Variants in ZFPM2 observed in about 807,000 individuals in gnomAD.
The protein encoded by ZFPM2 is zinc finger protein, FOG family member 2, also known as zinc finger protein ZFPM2.
ZFPM2 carries 20 observed loss-of-function variants against 98.6 expected under a neutral mutation model. The ratio of observed to expected loss-of-function variants is 0.20; its 90% CI spans 0.14 to 0.29. ZFPM2 has a LOEUF of 0.29. Ranked by LOEUF, ZFPM2 falls within the 10% of genes least tolerant of loss-of-function variation. The pLI is 1.00. For synonymous variants in ZFPM2, 518 were observed against 502.7 expected, an observed-to-expected ratio of 1.03 and a Z score of -0.41; for missense variants, 1,310 against 1,388.6, an observed-to-expected ratio of 0.94 and a Z score of 0.90.
chr8:105,518,803 T>G (rs1263767036), intron 3 of ZFPM2, among the ~76,000 whole-genome samples: 1 of 152,238 alleles, frequency 6.6e-6, no homozygotes, highest in East Asian at 1.9e-4. Context: ...AAGGACCTGC[T>G]AGGTTATTTT....
intron 3 of ZFPM2, among the ~76,000 whole-genome samples, chr8:105,545,151 T>C (rs1214129470): frequency 1.3e-5 from 2 of 152,156 alleles, no homozygotes; most frequent in Admixed American, 6.6e-5. Context: ...TTGATTTTGA[T>C]AGAGATATTT....
At chr8:105,395,950 G>A (rs1377037046) in intron 1 of ZFPM2, among the ~76,000 whole-genome samples, 1 of 152,172 alleles carries the variant, frequency 6.6e-6, no homozygotes, top group African/African-American at 2.4e-5. Context: ...CGACTTCTGA[G>A]ACTAATGATT....
At chr8:105,406,796 G>A (rs189813430) in intron 1 of ZFPM2, among the ~76,000 whole-genome samples, 64 of 152,100 alleles carry the variant, frequency 4.2e-4, no homozygotes, top group African/African-American at 1.5e-3. Flanking sequence ...TAAAGTTAAT[G>A]TACATAGGGG....
chr8:105,674,898 C>T (rs1810406694), intron 5 of ZFPM2, among the ~76,000 whole-genome samples: 1 of 152,060 alleles, frequency 6.6e-6, no homozygotes, highest in African/African-American at 2.4e-5. Flanking sequence ...ACCCATAGAT[C>T]TAGGCACCAG....
At chr8:105,426,925 C>T (rs1811925404) in intron 2 of ZFPM2, among the ~76,000 whole-genome samples, 1 of 152,126 alleles carries the variant, frequency 6.6e-6, no homozygotes, top group Admixed American at 6.5e-5. Context: ...CCACTGCACT[C>T]CAGCCTGGGT....
chr8:105,350,392 G>C (rs1812618263), intron 1 of ZFPM2, among the ~76,000 whole-genome samples: 1 of 152,096 alleles, frequency 6.6e-6, no homozygotes, highest in African/African-American at 2.4e-5. Flanking sequence ...GGTTAAATAA[G>C]AGACAGAAAA....
chr8:105,509,607 G>A (rs1315260658), intron 3 of ZFPM2, among the ~76,000 whole-genome samples: 1 of 152,090 alleles, frequency 6.6e-6, no homozygotes, highest in Non-Finnish European at 1.5e-5. Context: ...CAGTAATAAT[G>A]TTACATCTTA....
At chr8:105,396,166 T>C (rs1187866108) in intron 1 of ZFPM2, among the ~76,000 whole-genome samples, 2 of 152,170 alleles carry the variant, frequency 1.3e-5, no homozygotes, top group African/African-American at 4.8e-5. Context: ...AGCTTGTCCA[T>C]GATAGGAAAC....
At chr8:105,571,297 G>T (rs1270188447) in intron 4 of ZFPM2, among the ~76,000 whole-genome samples, 1 of 152,228 alleles carries the variant, frequency 6.6e-6, no homozygotes, top group Non-Finnish European at 1.5e-5. Context: ...TAAGGTGGAA[G>T]TGGGTGGATA....
At chr8:105,721,183 T>C (rs897828820) in intron 5 of ZFPM2, among the ~76,000 whole-genome samples, 1 of 151,774 alleles carries the variant, frequency 6.6e-6, no homozygotes, top group African/African-American at 2.4e-5. Flanking sequence ...AGATGGGAAA[T>C]GTCAGCCCTA....
intron 5 of ZFPM2, among the ~76,000 whole-genome samples, chr8:105,660,637 A>G (rs1322983537): frequency 1.3e-5 from 2 of 152,206 alleles, no homozygotes; most frequent in Admixed American, 1.3e-4. Flanking sequence ...ATATATGTAC[A>G]GACAAACATG....
At position 105,801,358 on chromosome 8, in the gene ZFPM2, G is replaced by A. The variant is rs35843564; in HGVS notation, c.1276G>A (p.Ala426Thr). The change falls in exon 8 of 8, where the codon GCC (alanine) becomes ACC (threonine). Residue 426 changes from alanine (A) to threonine (T), a missense_variant. Ala to Thr is a moderately conservative substitution (Grantham distance 58). Coordinates refer to ENST00000407775, the MANE Select transcript of ZFPM2 (RefSeq NM_012082.4). ...AAGCGAACTTCCCCAGAGCCAAAAGGCCATGCAGACTAAAGATGCGAGCTC... is the reference window on the plus strand; with the variant it reads ...AAGCGAACTTCCCCAGAGCCAAAAGACCATGCAGACTAAAGATGCGAGCTC... ...TRSELPQSQK[A>T]MQTKDASSDT... is the part of the protein sequence containing the mutation. 1,119 of 1,613,880 alleles carry A rather than the reference G, an allele frequency of 6.9e-4. 3 individuals are homozygous for A. The African/African-American group carries it at 9.4e-3, about 14-fold the overall frequency.
At chr8:105,487,768 G>A (rs559841397) in intron 3 of ZFPM2, among the ~76,000 whole-genome samples, 114 of 151,958 alleles carry the variant, frequency 7.5e-4, no homozygotes, top group African/African-American at 2.4e-3. Flanking sequence ...CATCATCATC[G>A]TCATCATTAT....
chr8:105,380,802 G>A (rs1204606054), intron 1 of ZFPM2, among the ~76,000 whole-genome samples: 2 of 17,792 alleles, frequency 1.1e-4, no homozygotes, highest in Admixed American at 1.0e-3. Flanking sequence ...TATTATATAT[G>A]TTATATATAA....
At chr8:105,496,267 C>T (rs1398762602) in intron 3 of ZFPM2, among the ~76,000 whole-genome samples, 1 of 152,112 alleles carries the variant, frequency 6.6e-6, no homozygotes, top group Non-Finnish European at 1.5e-5. Flanking sequence ...GTGCCTTGGC[C>T]TCCCAAAGTG....
chr8:105,384,680 A>G (rs563193302), intron 1 of ZFPM2, among the ~76,000 whole-genome samples: 5 of 152,120 alleles, frequency 3.3e-5, no homozygotes, highest in Non-Finnish European at 7.4e-5. Context: ...ACAAGAAGAA[A>G]GAGGAAATTC....
At chr8:105,386,935 TAC>T (rs1351498578) in intron 1 of ZFPM2, among the ~76,000 whole-genome samples, 1 of 152,176 alleles carries the variant, frequency 6.6e-6, no homozygotes, top group Non-Finnish European at 1.5e-5. Context: ...AGTAGGTAGA[TAC>T]AGAGTGTTGA....
chr8:105,385,253 T>A (rs1346847987), intron 1 of ZFPM2, among the ~76,000 whole-genome samples: 1 of 152,244 alleles, frequency 6.6e-6, no homozygotes, highest in African/African-American at 2.4e-5. Flanking sequence ...GCATGGACTC[T>A]GGGCAGGTTG....
chr8:105,542,652 C>G (rs953324091), intron 3 of ZFPM2, among the ~76,000 whole-genome samples: 2 of 152,042 alleles, frequency 1.3e-5, no homozygotes, highest in East Asian at 1.9e-4. Flanking sequence ...CTTGAATGTG[C>G]GTAGATTTTG....
Sources: allele counts gnomAD v4.1 joint callset (sites outside exome capture counted in the v4.1 genomes callset), GRCh38; gene constraint gnomAD v4.1.1; transcripts MANE v1.5; gene names NCBI Gene and HGNC (gene_info 2026-07-23, HGNC 2026-07-21).